GRID1: variants seen among roughly 807,000 people sequenced by gnomAD.
GRID1 encodes the protein glutamate ionotropic receptor delta type subunit 1.
In GRID1, 28 loss-of-function variants were observed where a neutral mutation model predicts 98.0. That is an observed-to-expected ratio of 0.29 (90% CI 0.21 to 0.39). The LOEUF (loss-of-function observed/expected upper bound fraction) is 0.39, where lower values mean the gene tolerates loss of function less well. Ranked by LOEUF, GRID1 falls within the 10% of genes least tolerant of loss-of-function variation. The pLI, the probability that GRID1 is intolerant of heterozygous loss-of-function variation, is 1.00. For synonymous variants in GRID1, 553 were observed against 538.5 expected, an observed-to-expected ratio of 1.03 and a Z score of -0.37; for missense variants, 1,111 against 1,340.5, an observed-to-expected ratio of 0.83 and a Z score of 2.67.
chr10:86,117,285 A>G (rs1844597924), intron 4 of GRID1, among the ~76,000 whole-genome samples: 1 of 150,764 alleles, frequency 6.6e-6, no homozygotes, highest in South Asian at 2.1e-4. Context: ...CACCAACACC[A>G]TCACCACCAT....
At position 85,923,386 on chromosome 10, in the gene GRID1, G is replaced by C. The variant is rs7893956; in HGVS notation, c.727-7147C>G. On this transcript the variant is annotated intron_variant, in intron 4 of 15. Coordinates refer to ENST00000327946, the MANE Select transcript of GRID1 (RefSeq NM_017551.3). ...CTGTGAAGCACTAAACCACAGCTCT[G>C]GGGGAGGCTGAGAGGGCTGTTTTCC... Among the ~76,000 whole-genome samples, 1,194 of 152,250 alleles carry C rather than the reference G, an allele frequency of 7.8e-3. 21 individuals are homozygous for C. Among genetic ancestry groups the C allele is most frequent in the African/African-American group, 0.026 (1,081 of 41,542 alleles).
chr10:85,866,868 T>C (rs1224310003), intron 6 of GRID1, among the ~76,000 whole-genome samples: 1 of 152,208 alleles, frequency 6.6e-6, no homozygotes, highest in African/African-American at 2.4e-5. Flanking sequence ...AAGATTCCTG[T>C]AGTGTTGCAC....
At chr10:85,710,352 C>A (rs539275717) in intron 12 of GRID1, among the ~76,000 whole-genome samples, 7 of 152,016 alleles carry the variant, frequency 4.6e-5, no homozygotes, top group Non-Finnish European at 1.0e-4. Flanking sequence ...GATGAGGGTG[C>A]CAAGACAATT....
intron 3 of GRID1, among the ~76,000 whole-genome samples, chr10:86,141,316 C>T (rs1391785721): frequency 6.6e-6 from 1 of 152,182 alleles, no homozygotes; most frequent in Non-Finnish European, 1.5e-5. Flanking sequence ...CTGTAGCTCC[C>T]AAGCTTCTTG....
At chr10:86,115,049 G>T (rs944918713) in intron 4 of GRID1, among the ~76,000 whole-genome samples, 1 of 152,138 alleles carries the variant, frequency 6.6e-6, no homozygotes, top group African/African-American at 2.4e-5. Context: ...GGAACAGAAA[G>T]AGGAGCAGGC....
At chr10:86,126,982 C>G (rs1391231686) in intron 4 of GRID1, among the ~76,000 whole-genome samples, 5 of 152,254 alleles carry the variant, frequency 3.3e-5, no homozygotes, top group Non-Finnish European at 5.9e-5. Flanking sequence ...TGGCTTTAGC[C>G]ATTCTTCTCT....
intron 4 of GRID1, among the ~76,000 whole-genome samples, chr10:85,938,952 T>C (rs1236511677): frequency 6.6e-6 from 1 of 152,222 alleles, no homozygotes; most frequent in African/African-American, 2.4e-5. Context: ...ATCAAGTAAA[T>C]TTGAGCATAG....
At chr10:85,815,973 T>G (rs1331591769) in intron 8 of GRID1, among the ~76,000 whole-genome samples, 1 of 151,998 alleles carries the variant, frequency 6.6e-6, no homozygotes, top group Non-Finnish European at 1.5e-5. Flanking sequence ...ATATATTTAT[T>G]AGAATGGCTA....
At chr10:85,834,115 T>C (rs1159988132) in intron 8 of GRID1, among the ~76,000 whole-genome samples, 1 of 152,208 alleles carries the variant, frequency 6.6e-6, no homozygotes, top group Non-Finnish European at 1.5e-5. Context: ...TCGTGGAAGA[T>C]GTAAACCTGG....
intron 4 of GRID1, among the ~76,000 whole-genome samples, chr10:86,038,046 A>G (rs1843293144): frequency 6.6e-6 from 1 of 152,178 alleles, no homozygotes; most frequent in African/African-American, 2.4e-5. Flanking sequence ...AGACACTCAT[A>G]AGGAAGATCG....
chr10:85,879,158 A>G (rs1404434346), intron 5 of GRID1, among the ~76,000 whole-genome samples: 2 of 152,202 alleles, frequency 1.3e-5, no homozygotes, highest in Non-Finnish European at 2.9e-5. Context: ...TTAGACTCCC[A>G]CACAATAATA....
At chr10:86,120,868 C>T (rs1036714075) in intron 4 of GRID1, among the ~76,000 whole-genome samples, 5 of 151,968 alleles carry the variant, frequency 3.3e-5, no homozygotes, top group African/African-American at 7.3e-5. Flanking sequence ...TCTGGTTTGC[C>T]GGCTGCCACC....
intron 4 of GRID1, among the ~76,000 whole-genome samples, chr10:85,959,095 G>A (rs1446514772): frequency 6.6e-6 from 1 of 152,216 alleles, no homozygotes; most frequent in African/African-American, 2.4e-5. Context: ...TCCTCTTTCA[G>A]ACTGGAACTG....
chr10:85,723,723 C>T (rs1443174824), intron 11 of GRID1, among the ~76,000 whole-genome samples: 1 of 152,156 alleles, frequency 6.6e-6, no homozygotes, highest in Non-Finnish European at 1.5e-5. Flanking sequence ...CTCTTTGAGG[C>T]CAATTATTTC....
chr10:86,218,952 C>T (rs1846213166), intron 2 of GRID1, among the ~76,000 whole-genome samples: 1 of 152,236 alleles, frequency 6.6e-6, no homozygotes, highest in Non-Finnish European at 1.5e-5. Flanking sequence ...TGGCCTGGCC[C>T]TGGTCCACCC....
chr10:85,609,671 G>T (rs1018309399), intron 15 of GRID1, among the ~76,000 whole-genome samples: 4 of 152,210 alleles, frequency 2.6e-5, no homozygotes, highest in African/African-American at 7.2e-5. Context: ...CCTGGCCTCA[G>T]CCAGCTCCTG....
chr10:86,256,971 A>G (rs1846930094), intron 2 of GRID1, among the ~76,000 whole-genome samples: 1 of 152,202 alleles, frequency 6.6e-6, no homozygotes, highest in Non-Finnish European at 1.5e-5. Context: ...AGGCTCAGCA[A>G]CACAGCCCCT....
At chr10:85,834,718 G>C (rs1426316274) in intron 8 of GRID1, among the ~76,000 whole-genome samples, 1 of 152,018 alleles carries the variant, frequency 6.6e-6, no homozygotes, top group African/African-American at 2.4e-5. Context: ...AAACTGATAA[G>C]TCACATATGT....
intron 4 of GRID1, among the ~76,000 whole-genome samples, chr10:86,009,608 A>G (rs1842902632): frequency 6.6e-6 from 1 of 152,186 alleles, no homozygotes; most frequent in Admixed American, 6.5e-5. Flanking sequence ...CATTGCCAAG[A>G]AGGAAGGTAA....
Sources: allele counts gnomAD v4.1 joint callset (sites outside exome capture counted in the v4.1 genomes callset), GRCh38; gene constraint gnomAD v4.1.1; transcripts MANE v1.5; gene names NCBI Gene and HGNC (gene_info 2026-07-23, HGNC 2026-07-21).